CHRM2: variants seen among roughly 807,000 people sequenced by gnomAD.
CHRM2 encodes the protein cholinergic receptor muscarinic 2, also known as muscarinic acetylcholine receptor M2.
CHRM2 carries 8 observed loss-of-function variants against 25.0 expected under a neutral mutation model. The observed-to-expected ratio is 0.32, with a 90% CI of 0.19 to 0.58. CHRM2 has a LOEUF of 0.58. CHRM2 is among the 20% of genes least tolerant of loss of function. The pLI, the probability that CHRM2 is intolerant of heterozygous loss-of-function variation, is 0.88. For synonymous variants in CHRM2, 202 were observed against 205.7 expected (o/e 0.98, Z 0.15); for missense variants, 440 against 567.1 (o/e 0.78, Z 2.28).
At chr7:136,961,611 A>G (rs528211522) in intron 2 of CHRM2, among the ~76,000 whole-genome samples, 1 of 152,330 alleles carries the variant, frequency 6.6e-6, no homozygotes, top group East Asian at 1.9e-4. Context: ...GTACATTTCA[A>G]TCTAAAAATT....
intron 3 of CHRM2, among the ~76,000 whole-genome samples, chr7:136,995,071 G>A (rs1309468144): frequency 1.3e-5 from 2 of 151,864 alleles, no homozygotes; most frequent in African/African-American, 4.8e-5. Flanking sequence ...CGGAGAAAGT[G>A]GCCAAATGTA....
At chr7:136,878,980 T>G in intron 2 of CHRM2, among the ~76,000 whole-genome samples, 1 of 151,910 alleles carries the variant, frequency 6.6e-6, no homozygotes, top group East Asian at 1.9e-4. Context: ...TAGTCAGTGT[T>G]CAGAAAATGA....
intron 2 of CHRM2, among the ~76,000 whole-genome samples, chr7:136,929,093 A>T (rs1798908553): frequency 6.6e-6 from 1 of 152,074 alleles, no homozygotes. Flanking sequence ...ATTTTCCAGG[A>T]TCAATAGACA....
intron 2 of CHRM2, among the ~76,000 whole-genome samples, chr7:136,940,693 T>C (rs370484123): frequency 2.0e-5 from 3 of 152,322 alleles, no homozygotes; most frequent in African/African-American, 7.2e-5. Context: ...TATTGAACAT[T>C]GATTAAGCTC....
At chr7:136,999,381 A>G (rs1803828235) in intron 3 of CHRM2, among the ~76,000 whole-genome samples, 1 of 152,144 alleles carries the variant, frequency 6.6e-6, no homozygotes, top group African/African-American at 2.4e-5. Context: ...TTTAAATAAA[A>G]TAAAATATAT....
At chr7:136,933,030 A>AT (rs1799199180) in intron 2 of CHRM2, among the ~76,000 whole-genome samples, 3 of 145,720 alleles carry the variant, frequency 2.1e-5, no homozygotes, top group African/African-American at 7.4e-5. Context: ...ACTCTGTTTC[A>AT]AAAATAAATA....
chr7:136,882,040 G>C (rs1328870228), intron 2 of CHRM2, among the ~76,000 whole-genome samples: 1 of 151,980 alleles, frequency 6.6e-6, no homozygotes, highest in Non-Finnish European at 1.5e-5. Flanking sequence ...GAGTATTCTT[G>C]TTCCTATTTG....
chr7:136,894,452 ACTTCTG>A (rs1796811602), intron 2 of CHRM2, among the ~76,000 whole-genome samples: 4 of 152,078 alleles, frequency 2.6e-5, no homozygotes, highest in African/African-American at 9.7e-5. Context: ...GCTCACTGCA[ACTTCTG>A]CCTCCCAGGT....
At chr7:136,958,125 C>G (rs534173957) in intron 2 of CHRM2, among the ~76,000 whole-genome samples, 1 of 152,178 alleles carries the variant, frequency 6.6e-6, no homozygotes, top group Admixed American at 6.5e-5. Context: ...TTATTACCAG[C>G]ACATTTTTAT....
At chr7:136,881,025 T>C (rs889296138) in intron 2 of CHRM2, among the ~76,000 whole-genome samples, 9 of 151,192 alleles carry the variant, frequency 6.0e-5, no homozygotes, top group African/African-American at 2.2e-4. Flanking sequence ...AATGAAATTA[T>C]ACACTTTGGA....
chr7:137,001,126 A>T (rs541385759), intron 3 of CHRM2, among the ~76,000 whole-genome samples: 31 of 152,214 alleles, frequency 2.0e-4, no homozygotes, highest in African/African-American at 6.7e-4. Flanking sequence ...GCCAAACATA[A>T]TGAAAACTCC....
At chr7:136,910,545 T>A (rs1035477262) in intron 2 of CHRM2, among the ~76,000 whole-genome samples, 1 of 151,902 alleles carries the variant, frequency 6.6e-6, no homozygotes, top group African/African-American at 2.4e-5. Flanking sequence ...ATCACTGAGA[T>A]TCACAGAATA....
intron 2 of CHRM2, chr7:136,871,369 C>T (rs1025983507): frequency 6.6e-6 from 1 of 152,576 alleles, no homozygotes; most frequent in East Asian, 1.9e-4. Context: ...CAGGAGCCCA[C>T]CCGCGGGCGG....
At chr7:136,915,792 A>C (rs1798071373) in intron 2 of CHRM2, among the ~76,000 whole-genome samples, 2 of 151,858 alleles carry the variant, frequency 1.3e-5, no homozygotes, top group Admixed American at 1.3e-4. Context: ...TAATGACTCC[A>C]AACAATAAAA....
intron 2 of CHRM2, among the ~76,000 whole-genome samples, chr7:136,959,901 A>C (rs1800964527): frequency 6.6e-6 from 1 of 152,060 alleles, no homozygotes; most frequent in African/African-American, 2.4e-5. Context: ...GCAAGAGCAA[A>C]ACTCCGTCCA....
rs868605023 is a variant in CHRM2, at chr7:137,003,502, A to T, written c.-47+11238A>T. 7.4e-3 allele frequency among the ~76,000 whole-genome samples: 1,066 copies of T among 144,454 alleles called. 22 individuals are homozygous for T. The highest frequency in any genetic ancestry group is 7.4e-3 in the Non-Finnish European group (486 of 65,920). 94.8% of individuals were successfully genotyped at this position (144,454 alleles called of 152,430 possible). On this transcript the variant is annotated intron_variant, in intron 3 of 3. Transcript: ENST00000680005. ...CACACACACACACACACACACACAC[A>T]CACACACACACACACACACACACAC...
chr7:136,926,261 AAAATAAAAAT>A (rs771032920), intron 2 of CHRM2, among the ~76,000 whole-genome samples: 60 of 152,202 alleles, frequency 3.9e-4, no homozygotes, highest in South Asian at 1.5e-3. Context: ...ATAAAAATTA[AAAATAAAAAT>A]AAATAAAAAT....
intron 2 of CHRM2, among the ~76,000 whole-genome samples, chr7:136,924,865 C>T (rs941317827): frequency 2.6e-5 from 4 of 152,120 alleles, no homozygotes; most frequent in African/African-American, 4.8e-5. Context: ...ATCTTCTGGG[C>T]GTAACACAGA....
At chr7:136,908,241 C>T (rs150761285) in intron 2 of CHRM2, among the ~76,000 whole-genome samples, 4 of 151,954 alleles carry the variant, frequency 2.6e-5, no homozygotes, top group East Asian at 1.9e-4. Context: ...AACAGTTTTA[C>T]GTCATCCTTC....
Sources: gnomAD v4.1 joint callset for allele counts (sites outside exome capture counted in the v4.1 genomes callset) on GRCh38, gnomAD v4.1.1 for gene constraint, MANE v1.5 for transcripts, NCBI Gene and HGNC (gene_info 2026-07-23, HGNC 2026-07-21) for gene names.